The following DGKB variants were observed in gnomAD, a reference collection of about 807,000 sequenced individuals.
The protein encoded by DGKB is diacylglycerol kinase beta.
Under a neutral mutation model 114.3 loss-of-function variants are expected in DGKB, and 67 were observed. The observed-to-expected ratio is 0.59, with a 90% CI of 0.48 to 0.72. DGKB has a LOEUF of 0.72. Among genes scored for constraint, DGKB ranks in the 30% least tolerant of loss-of-function variants. The pLI, the probability that DGKB is intolerant of heterozygous loss-of-function variation, is 0.00. For missense variants in DGKB, 907 were observed against 975.2 expected, an observed-to-expected ratio of 0.93 and a Z score of 0.93; for synonymous variants, 398 against 323.1, an observed-to-expected ratio of 1.23 and a Z score of -2.49.
chr7:14,235,984 CACAA>C (rs1792710207), intron 23 of DGKB, among the ~76,000 whole-genome samples: 1 of 151,916 alleles, frequency 6.6e-6, no homozygotes, highest in South Asian at 2.1e-4. Flanking sequence ...CACGCAGATA[CACAA>C]AAACAATTTA....
intron 1 of DGKB, among the ~76,000 whole-genome samples, chr7:14,928,153 G>C (rs1356902004): frequency 6.6e-6 from 1 of 151,842 alleles, no homozygotes; most frequent in Non-Finnish European, 1.5e-5. Context: ...CTAAAATATA[G>C]ATTCTTTCAA....
intron 20 of DGKB, among the ~76,000 whole-genome samples, chr7:14,522,258 G>A (rs533074897): frequency 1.3e-5 from 2 of 152,262 alleles, no homozygotes; most frequent in African/African-American, 4.8e-5. Flanking sequence ...TGTCGCACAT[G>A]CATAGATAGG....
At chr7:14,276,396 TA>T (rs1225481199) in intron 23 of DGKB, among the ~76,000 whole-genome samples, 1 of 152,206 alleles carries the variant, frequency 6.6e-6, no homozygotes, top group African/African-American at 2.4e-5. Context: ...AAATATGAAT[TA>T]AATCAATTAC....
intron 6 of DGKB, among the ~76,000 whole-genome samples, chr7:14,715,445 G>A (rs1392437984): frequency 1.3e-5 from 2 of 152,094 alleles, no homozygotes; most frequent in Non-Finnish European, 2.9e-5. Flanking sequence ...CTGAGACCAT[G>A]TCCTTGTTCA....
chr7:14,594,096 G>C (rs575109249), intron 17 of DGKB, among the ~76,000 whole-genome samples: 1 of 152,112 alleles, frequency 6.6e-6, no homozygotes, highest in African/African-American at 2.4e-5. Context: ...AAGCCAATGA[G>C]ATCTTTAAAC....
chr7:14,157,375 GT>G (rs5882430), intron 25 of DGKB, among the ~76,000 whole-genome samples: 9,794 of 145,036 alleles, frequency 0.068, 468 homozygotes, highest in African/African-American at 0.14. Context: ...CCTTTTGCCA[GT>G]TTTTTTTTTT....
chr7:14,642,716 A>C (rs909747388), intron 13 of DGKB, among the ~76,000 whole-genome samples: 5 of 152,212 alleles, frequency 3.3e-5, no homozygotes, highest in African/African-American at 1.2e-4. Flanking sequence ...AATAAATTTG[A>C]GTTTTAACTT....
intron 20 of DGKB, among the ~76,000 whole-genome samples, chr7:14,556,231 A>C (rs1037216404): frequency 6.6e-6 from 1 of 152,146 alleles, no homozygotes; most frequent in South Asian, 2.1e-4. Flanking sequence ...AAACCTTGGC[A>C]TATTTTTAGT....
chr7:14,428,282 T>C (rs1827887609), intron 21 of DGKB, among the ~76,000 whole-genome samples: 1 of 152,126 alleles, frequency 6.6e-6, no homozygotes, highest in Non-Finnish European at 1.5e-5. Context: ...CTCTCATCAG[T>C]GACTTTTTAC....
At chr7:14,585,348 AGCACT>A (rs1800580274) in intron 17 of DGKB, among the ~76,000 whole-genome samples, 1 of 152,178 alleles carries the variant, frequency 6.6e-6, no homozygotes, top group Non-Finnish European at 1.5e-5. Context: ...CTTTCCCTAT[AGCACT>A]GCCCTTTCTA....
At chr7:14,707,310 T>C (rs1469215681) in intron 6 of DGKB, among the ~76,000 whole-genome samples, 3 of 149,964 alleles carry the variant, frequency 2.0e-5, no homozygotes, top group African/African-American at 2.5e-5. Context: ...GGAGCTGAAA[T>C]TGTGGCAATA....
chr7:14,850,458 A>G (rs1251004068), intron 1 of DGKB, among the ~76,000 whole-genome samples: 1 of 152,162 alleles, frequency 6.6e-6, no homozygotes, highest in Non-Finnish European at 1.5e-5. Context: ...AACTCCTTAG[A>G]AAAGAGGGAG....
intron 21 of DGKB, among the ~76,000 whole-genome samples, chr7:14,383,729 T>C (rs1056003545): frequency 1.3e-5 from 2 of 152,210 alleles, no homozygotes; most frequent in South Asian, 2.1e-4. Context: ...CACAATATTT[T>C]TGCATACGTC....
At chr7:14,894,326 G>GTTT (rs1781766679) in intron 1 of DGKB, among the ~76,000 whole-genome samples, 1 of 151,250 alleles carries the variant, frequency 6.6e-6, no homozygotes, top group Admixed American at 6.6e-5. Context: ...TAACTCATGA[G>GTTT]GATCAGCAAA....
At chr7:14,213,163 C>T (rs1269089641) in intron 23 of DGKB, among the ~76,000 whole-genome samples, 2 of 151,894 alleles carry the variant, frequency 1.3e-5, no homozygotes, top group African/African-American at 4.8e-5. Context: ...AAAACATGTC[C>T]TGGAAAGCTA....
intron 13 of DGKB, among the ~76,000 whole-genome samples, chr7:14,634,527 C>A (rs1810374193): frequency 1.4e-5 from 2 of 146,418 alleles, no homozygotes; most frequent in South Asian, 4.3e-4. Context: ...CTTGTTTTGC[C>A]TGAAAAACTG....
At chr7:14,213,440 C>G (rs1054260157) in intron 23 of DGKB, among the ~76,000 whole-genome samples, 2 of 152,126 alleles carry the variant, frequency 1.3e-5, no homozygotes, top group African/African-American at 4.8e-5. Context: ...TTCTGTATGT[C>G]TGGGAAGCAA....
At chr7:14,941,468 T>C (rs1785567818) in intron 1 of DGKB, among the ~76,000 whole-genome samples, 1 of 152,076 alleles carries the variant, frequency 6.6e-6, no homozygotes, top group Non-Finnish European at 1.5e-5. Flanking sequence ...TATCCTGAGG[T>C]CCATGGACTT....
chr7:14,448,452 C>T (rs12533729), intron 21 of DGKB, among the ~76,000 whole-genome samples: 12,896 of 151,970 alleles, frequency 0.085, 658 homozygotes, highest in East Asian at 0.21. Flanking sequence ...ATTAGAATGT[C>T]TGCCTGTAGT....
Sources: gnomAD v4.1 joint callset for allele counts (sites outside exome capture counted in the v4.1 genomes callset) on GRCh38, gnomAD v4.1.1 for gene constraint, MANE v1.5 for transcripts, NCBI Gene and HGNC (gene_info 2026-07-23, HGNC 2026-07-21) for gene names.